The following AMPH variants were observed in gnomAD, a reference collection of about 807,000 sequenced individuals.
AMPH encodes the protein amphiphysin (Stiff-Mann syndrome with breast cancer 128kD autoantigen).
Under a neutral mutation model 99.1 loss-of-function variants are expected in AMPH, and 49 were observed. The ratio of observed to expected loss-of-function variants is 0.49; its 90% CI spans 0.39 to 0.63. The LOEUF (loss-of-function observed/expected upper bound fraction) is 0.63, where lower values mean the gene tolerates loss of function less well. Among genes scored for constraint, AMPH ranks in the 20% least tolerant of loss-of-function variants. The probability of loss-of-function intolerance (pLI) is 0.00; values close to 1 mark genes in which losing one functional copy is unlikely to be tolerated. For synonymous variants in AMPH, 314 were observed against 317.3 expected (o/e 0.99, Z 0.11); for missense variants, 759 against 863.4 (o/e 0.88, Z 1.52).
intron 17 of AMPH, among the ~76,000 whole-genome samples, chr7:38,405,931 G>A (rs1784972966): frequency 6.6e-6 from 1 of 152,098 alleles, no homozygotes; most frequent in African/African-American, 2.4e-5. Context: ...TCTTTTATCT[G>A]CACATGGAAC....
chr7:38,499,387 G>A (rs141420027), intron 3 of AMPH, among the ~76,000 whole-genome samples: 235 of 152,196 alleles, frequency 1.5e-3, no homozygotes, highest in African/African-American at 5.1e-3. Context: ...CCCATAGAGG[G>A]GAAGCCACCC....
intron 1 of AMPH, among the ~76,000 whole-genome samples, chr7:38,606,620 C>T (rs748560746): frequency 7.4e-6 from 1 of 135,742 alleles, no homozygotes; most frequent in Non-Finnish European, 1.5e-5. Context: ...TCGCCCAGGA[C>T]AGAATGCAGT....
chr7:38,422,143 A>AAATATAC (rs1029064585), intron 16 of AMPH, among the ~76,000 whole-genome samples: 5 of 152,222 alleles, frequency 3.3e-5, no homozygotes, highest in Admixed American at 1.3e-4. Context: ...ATTCACATGG[A>AAATATAC]AATATACATG....
At chr7:38,434,682 T>C (rs1408623800) in intron 12 of AMPH, among the ~76,000 whole-genome samples, 1 of 149,594 alleles carries the variant, frequency 6.7e-6, no homozygotes, top group Non-Finnish European at 1.5e-5. Flanking sequence ...AAGCTTGCAG[T>C]GAGCCAAGAT....
intron 1 of AMPH, among the ~76,000 whole-genome samples, chr7:38,625,171 T>C (rs572594345): frequency 7.4e-4 from 112 of 152,030 alleles, no homozygotes; most frequent in Admixed American, 8.5e-4. Flanking sequence ...ACCCCAACAC[T>C]GGCAAAAGAA....
chr7:38,498,986 C>A (rs1204005942), intron 3 of AMPH, among the ~76,000 whole-genome samples: 1 of 152,154 alleles, frequency 6.6e-6, no homozygotes, highest in East Asian at 1.9e-4. Flanking sequence ...CCTCTGAAAT[C>A]TATCTTTCTC....
chr7:38,615,426 G>A (rs986903944), intron 1 of AMPH, among the ~76,000 whole-genome samples: 4 of 152,062 alleles, frequency 2.6e-5, no homozygotes, highest in African/African-American at 9.7e-5. Flanking sequence ...AAACCTGGAA[G>A]CCCCAGCTCA....
At position 38,491,143 on chromosome 7, in the gene AMPH, T is replaced by C; in HGVS notation, c.303A>G (p.Lys101=). The stretch of plus-strand genomic sequence containing the variant: ...GGAAGTCTTCCCACAGCACATCACA[T>C]TTCTAAAAGAAATAAAGAGACCACT... ...GREDVKMVGE[K]CDVLWEDFHQ... is the part of the protein sequence containing the mutation. The change falls in exon 5 of 21, where the codon AAA becomes AAG. Residue 101 remains lysine (K), a splice_region_variant and synonymous_variant. Transcript: ENST00000356264. 7 of 1,608,644 alleles carry C rather than the reference T, an allele frequency of 4.4e-6. No individual in the cohort carries two copies. The highest frequency in any genetic ancestry group is 5.1e-6 in the Non-Finnish European group (6 of 1,175,422).
intron 14 of AMPH, chr7:38,429,139 C>T: frequency 7.8e-7 from 1 of 1,290,128 alleles, no homozygotes; most frequent in Non-Finnish European, 1.0e-6. Context: ...TTCATATCTT[C>T]ATGACTTTCT....
At chr7:38,602,301 C>T (rs1275779232) in intron 1 of AMPH, among the ~76,000 whole-genome samples, 2 of 152,178 alleles carry the variant, frequency 1.3e-5, no homozygotes, top group African/African-American at 4.8e-5. Flanking sequence ...GTCTGTTTCC[C>T]ATAGCTGTTA....
intron 1 of AMPH, among the ~76,000 whole-genome samples, chr7:38,572,543 G>T (rs577352180): frequency 2.0e-4 from 30 of 152,330 alleles, no homozygotes; most frequent in African/African-American, 7.2e-4. Flanking sequence ...GTATTCCAAA[G>T]ATTAGCAAAT....
chr7:38,384,976 C>T (rs1453752379), intron 20 of AMPH, 51 bp from the exon 21 acceptor site: 11 of 1,444,116 alleles, frequency 7.6e-6, no homozygotes, highest in Non-Finnish European at 9.7e-6. Flanking sequence ...CTGGAAAATC[C>T]ACACTGCCAC....
intron 7 of AMPH, among the ~76,000 whole-genome samples, chr7:38,467,831 G>A (rs1364423859): frequency 6.6e-6 from 1 of 152,118 alleles, no homozygotes; most frequent in African/African-American, 2.4e-5. Flanking sequence ...AGAGAGGAGA[G>A]CAATGGGCCC....
At chr7:38,473,378 T>C (rs948908233) in intron 7 of AMPH, among the ~76,000 whole-genome samples, 4 of 152,150 alleles carry the variant, frequency 2.6e-5, no homozygotes, top group Admixed American at 6.5e-5. Context: ...AAACAAGTGA[T>C]GCTAAAGATA....
chr7:38,384,985 A>T, intron 20 of AMPH, 60 bp from the exon 21 acceptor site: 1 of 1,396,324 alleles, frequency 7.2e-7, no homozygotes, highest in South Asian at 1.2e-5. Context: ...CCACACTGCC[A>T]CAATTAATTA....
intron 1 of AMPH, among the ~76,000 whole-genome samples, chr7:38,566,781 T>G (rs2129050611): frequency 6.6e-6 from 1 of 152,178 alleles, no homozygotes; most frequent in Admixed American, 6.5e-5. Flanking sequence ...AACAGACACA[T>G]GAAAAAATGC....
intron 1 of AMPH, among the ~76,000 whole-genome samples, chr7:38,595,198 C>T (rs1267732792): frequency 1.3e-5 from 2 of 152,180 alleles, no homozygotes; most frequent in African/African-American, 4.8e-5. Context: ...AAGCAAACTG[C>T]TCCCCAGGGC....
intron 1 of AMPH, among the ~76,000 whole-genome samples, chr7:38,537,181 C>A (rs955043076): frequency 1.3e-5 from 2 of 151,996 alleles, no homozygotes; most frequent in African/African-American, 4.8e-5. Context: ...AAATTCCCAT[C>A]AAAAAATATT....
intron 2 of AMPH, among the ~76,000 whole-genome samples, chr7:38,515,563 T>C (rs1190434716): frequency 6.6e-6 from 1 of 152,218 alleles, no homozygotes; most frequent in Non-Finnish European, 1.5e-5. Context: ...CTTTTCTTTA[T>C]AAATTACCCA....
Sources: allele counts gnomAD v4.1 joint callset (sites outside exome capture counted in the v4.1 genomes callset), GRCh38; gene constraint gnomAD v4.1.1; transcripts MANE v1.5; gene names NCBI Gene and HGNC (gene_info 2026-07-23, HGNC 2026-07-21).